The following FAM131B variants were observed in gnomAD, a reference collection of about 807,000 sequenced individuals.
The protein encoded by FAM131B is family with sequence similarity 131 member B, also known as protein FAM131B.
FAM131B carries 19 observed loss-of-function variants against 42.0 expected under a neutral mutation model. The observed-to-expected ratio is 0.45, with a 90% confidence interval of 0.32 to 0.66. FAM131B has a LOEUF of 0.66. FAM131B is among the 30% of genes least tolerant of loss of function. FAM131B has a pLI of 0.05. For synonymous variants in FAM131B, 183 were observed against 177.6 expected (o/e 1.03, Z -0.24); for missense variants, 370 against 468.4 (o/e 0.79, Z 1.94).
chr7:143,362,646 G>C lies in FAM131B; in HGVS notation c.-43C>G. 8.5e-7 allele frequency: 1 copy of C among 1,171,916 alleles called. No homozygotes were observed. Among genetic ancestry groups the C allele is most frequent in the Admixed American group, 4.5e-5 (1 of 22,306 alleles). 72.6% of individuals were successfully genotyped at this position (1,171,916 alleles called of 1,614,324 possible). Reference sequence around the variant, plus strand: ...AGCCGGGCCCTCACCGACTCGGGGCGCGCGCCGGGGGGAGCACCGGGAGCC... The same window carrying C: ...AGCCGGGCCCTCACCGACTCGGGGCCCGCGCCGGGGGGAGCACCGGGAGCC... On this transcript the variant is annotated 5_prime_UTR_variant, in exon 1 of 7. Transcript: ENST00000443739. The surrounding 1 kb of genome is among the most constrained non-coding windows in gnomAD (Gnocchi z 7.7).
the FAM131B span, among the ~76,000 whole-genome samples, chr7:143,370,918 A>T: frequency 6.6e-6 from 1 of 152,026 alleles, no homozygotes; most frequent in Non-Finnish European, 1.5e-5. Context: ...CTTAGCCTCC[A>T]TGTTAACAGA....
chr7:143,378,805 G>T, the FAM131B span, among the ~76,000 whole-genome samples: 1 of 152,128 alleles, frequency 6.6e-6, no homozygotes, highest in Non-Finnish European at 1.5e-5. Flanking sequence ...TCAAACTTCC[G>T]ACCTCAAGTG....
the FAM131B span, among the ~76,000 whole-genome samples, chr7:143,375,146 A>G: frequency 2.0e-5 from 3 of 152,194 alleles, no homozygotes; most frequent in Non-Finnish European, 4.4e-5. Flanking sequence ...TGATGCAATG[A>G]AAGTCCTTAA....
rs1804056064 is a variant in FAM131B at position 143,362,611 on chromosome 7, G to T, written c.-8C>A. ...GGAGCCGATGCAGCCCATGGCTCCG[G>T]GGGCCGCAGAGCCGGGCCCTCACCG... is the stretch of plus-strand genomic sequence containing the variant. On this transcript the variant is annotated 5_prime_UTR_variant, in exon 1 of 7. Transcript: ENST00000443739. The surrounding 1 kb of genome is among the most constrained non-coding windows in gnomAD (Gnocchi z 7.7). 9.9e-6 allele frequency: 12 copies of T among 1,216,146 alleles called. No homozygotes were observed. Among genetic ancestry groups the T allele is most frequent in the Non-Finnish European group, 1.2e-5 (12 of 977,642 alleles). 75.3% of individuals were successfully genotyped at this position (1,216,146 alleles called of 1,614,324 possible). A position where few individuals can be genotyped will look rare whatever the true frequency, so the allele number is the denominator to read the frequency against.
At chr7:143,366,582 G>T (rs1162162353), upstream of FAM131B, among the ~76,000 whole-genome samples, 1 of 144,614 alleles carries the variant, frequency 6.9e-6, no homozygotes, top group African/African-American at 2.5e-5. Context: ...TTTTGAGACA[G>T]AGTCTCACTC....
chr7:143,357,389 T>TC lies in FAM131B; in HGVS notation c.500_501insG (p.Leu168ThrfsTer10). The TC allele has an allele frequency of 6.2e-7, 1 of 1,611,994 alleles. No individual in the cohort carries two copies. The highest frequency in any genetic ancestry group is 8.5e-7 in the Non-Finnish European group (1 of 1,178,916). On this transcript the variant is annotated frameshift_variant, in exon 6 of 7. Transcript: ENST00000443739. LOFTEE classifies it high-confidence loss of function. ...CATCCATGGAAGACCAGGCCATGAG[T>TC]GTGGCCTCAGAGATAGCAAACTGCT...
the FAM131B span, among the ~76,000 whole-genome samples, chr7:143,377,727 T>C: frequency 2.0e-4 from 30 of 152,198 alleles, no homozygotes; most frequent in Middle Eastern, 6.8e-3. Context: ...TGTTTGTTTG[T>C]TTTTTGGACA....
chr7:143,356,776 T>A lies in FAM131B; in HGVS notation c.857A>T (p.Asp286Val), dbSNP rs1180889385. Residue 286 changes from aspartate to valine, a missense_variant, in exon 7 of 7, where the codon GAC (aspartate) becomes GTC (valine). Transcript: ENST00000443739. This position sits in a 1 kb window ranked among gnomAD's most constrained non-coding sequence, Gnocchi z 4.4. ...EPPPLLGGDT[D>V]WAPGVGAVDL... ...CACTGCGCCTACCCCCGGAGCCCAG[T>A]CAGTGTCTCCCCCCAGCAAAGGTGG... 2 of 1,613,898 alleles carry A rather than the reference T, an allele frequency of 1.2e-6. No individual in the cohort carries two copies. Among genetic ancestry groups the A allele is most frequent in the African/African-American group, 2.7e-5 (2 of 74,862 alleles).
chr7:143,363,715 C>T (rs1016558301), upstream of FAM131B, among the ~76,000 whole-genome samples: 1 of 152,156 alleles, frequency 6.6e-6, no homozygotes, highest in Non-Finnish European at 1.5e-5. Context: ...CCAGAAAGCC[C>T]AAAGTGTGAG....
chr7:143,380,668 C>A, the FAM131B span: 1 of 985,248 alleles, frequency 1.0e-6, no homozygotes. The surrounding 1 kb of genome is among the most constrained non-coding windows in gnomAD (Gnocchi z 5.0). Context: ...GGCTGCCCAG[C>A]GTTGGAAGTT....
chr7:143,381,763 C>A, the FAM131B span: 92 of 1,577,230 alleles, frequency 5.8e-5, 1 homozygote, highest in South Asian at 9.7e-4. Flanking sequence ...GCGAGATTCC[C>A]CCGCCGCCCC....
the FAM131B span, chr7:143,382,233 T>A: frequency 2.5e-6 from 4 of 1,610,358 alleles, no homozygotes; most frequent in Non-Finnish European, 3.4e-6. Context: ...GACGTCTTTC[T>A]CCTTCCTACC....
chr7:143,356,991 C>A lies in FAM131B; in HGVS notation c.642G>T (p.Trp214Cys). 6.2e-7 allele frequency: 1 copy of A among 1,613,730 alleles called. No individual in the cohort carries two copies. The highest frequency in any genetic ancestry group is 8.5e-7 in the Non-Finnish European group (1 of 1,179,864). The stretch of plus-strand genomic sequence containing the variant: ...TACCCTGGGACACGTAAGAGTGAGG[C>A]CATCCATCCATGGGTGCTTGAGCCA... ...DALAQAPMDG[W>C]PHSYVSQGMY... The change falls in exon 7 of 7, where the codon TGG becomes TGT. Residue 214 changes from tryptophan (W) to cysteine (C), a missense_variant. By Grantham distance (215) the Trp-to-Cys change is radical. Coordinates refer to ENST00000443739, the MANE Select transcript of FAM131B (RefSeq NM_001031690.3). The surrounding 1 kb of genome is among the most constrained non-coding windows in gnomAD (Gnocchi z 4.4).
At chr7:143,381,568 G>C in the FAM131B span, 1 of 1,609,362 alleles carries the variant, frequency 6.2e-7, no homozygotes, top group South Asian at 1.1e-5. Context: ...AGCCCGGCCC[G>C]GCCATGGCGG....
chr7:143,381,567 C>T, the FAM131B span: 1 of 1,609,324 alleles, frequency 6.2e-7, no homozygotes, highest in Non-Finnish European at 8.5e-7. Context: ...CAGCCCGGCC[C>T]GGCCATGGCG....
the FAM131B span, among the ~76,000 whole-genome samples, chr7:143,376,125 G>A: frequency 6.6e-6 from 1 of 152,110 alleles, no homozygotes; most frequent in Non-Finnish European, 1.5e-5. Flanking sequence ...TGTAGATTCT[G>A]GTTCCCTGGT....
At chr7:143,360,572 G>T in intron 1 of FAM131B, 1 of 229,334 alleles carries the variant, frequency 4.4e-6, no homozygotes, top group Non-Finnish European at 7.6e-6. Flanking sequence ...CCCCCGGTGG[G>T]CCCTTCCTAA....
chr7:143,367,937 C>T, the FAM131B span, among the ~76,000 whole-genome samples: 1 of 152,210 alleles, frequency 6.6e-6, no homozygotes, highest in South Asian at 2.1e-4. Flanking sequence ...TGCATTTGCC[C>T]TGTGTTTTCT....
Position 143,359,877 on chromosome 7 carries a change from C to A in FAM131B, c.139-110G>T. Reference sequence around the variant, plus strand: ...AGTGCGGGATGTGGGGAGGGCTTTCCTGAGGTTGATGCCGCTAACTGGGTT... The same window carrying A: ...AGTGCGGGATGTGGGGAGGGCTTTCATGAGGTTGATGCCGCTAACTGGGTT... On this transcript the variant is annotated intron_variant, in intron 2 of 6. Transcript: ENST00000443739. This position sits in a 1 kb window ranked among gnomAD's most constrained non-coding sequence, Gnocchi z 5.4. The A allele has an allele frequency of 8.7e-7, 1 of 1,154,068 alleles. No homozygotes were observed. Among genetic ancestry groups the A allele is most frequent in the African/African-American group, 1.5e-5 (1 of 65,352 alleles). The allele number at this position is 1,154,068 out of a possible 1,614,324, so 71.5% of individuals were successfully genotyped here.
Sources: allele counts gnomAD v4.1 joint callset (sites outside exome capture counted in the v4.1 genomes callset), GRCh38; gene constraint gnomAD v4.1.1; non-coding constraint Gnocchi (gnomAD v3.1); transcripts MANE v1.5; gene names NCBI Gene and HGNC (gene_info 2026-07-23, HGNC 2026-07-21).